The following TLN2 variants were observed in gnomAD, a reference collection of about 807,000 sequenced individuals.
TLN2 encodes the protein talin-2.
TLN2 carries 118 observed loss-of-function variants against 294.7 expected under a neutral mutation model. The ratio of observed to expected loss-of-function variants is 0.40; its 90% CI spans 0.34 to 0.47. TLN2 has a LOEUF of 0.47. Ranked by LOEUF, TLN2 falls within the 20% of genes least tolerant of loss-of-function variation. TLN2 has a pLI of 0.84. For missense variants in TLN2, 3,083 were observed against 3,282.2 expected, an observed-to-expected ratio of 0.94 and a Z score of 1.48; for synonymous variants, 1,431 against 1,304.5, an observed-to-expected ratio of 1.10 and a Z score of -2.09.
At chr15:62,649,990 A>G in intron 4 of TLN2, 94 bp from the exon 5 acceptor site, 1 of 1,227,426 alleles carries the variant, frequency 8.1e-7, no homozygotes, top group Non-Finnish European at 1.2e-6. Flanking sequence ...GAGAACACCC[A>G]CATCCTTGCT....
chr15:62,541,967 A>G (rs373891078), intron 1 of TLN2, among the ~76,000 whole-genome samples: 1 of 151,512 alleles, frequency 6.6e-6, no homozygotes, highest in East Asian at 1.9e-4. Context: ...AATATACTAG[A>G]TAAAAAGACT....
chr15:62,468,222 C>T (rs1318557855), intron 1 of TLN2, among the ~76,000 whole-genome samples: 1 of 151,958 alleles, frequency 6.6e-6, no homozygotes, highest in Non-Finnish European at 1.5e-5. Flanking sequence ...AGCATTGCCA[C>T]CTAAGAGTTG....
At chr15:62,431,045 T>G (rs2439712) in intron 1 of TLN2, among the ~76,000 whole-genome samples, 7 of 152,024 alleles carry the variant, frequency 4.6e-5, no homozygotes, top group African/African-American at 1.7e-4. Context: ...TCTGGATTCT[T>G]GTTAGAAATA....
intron 1 of TLN2, among the ~76,000 whole-genome samples, chr15:62,521,234 T>C (rs2040441496): frequency 6.6e-6 from 1 of 152,194 alleles, no homozygotes; most frequent in African/African-American, 2.4e-5. Context: ...GGCTGAATTT[T>C]TGACATCTGT....
At chr15:62,672,879 C>A (rs978245199) in intron 9 of TLN2, among the ~76,000 whole-genome samples, 1 of 152,120 alleles carries the variant, frequency 6.6e-6, no homozygotes, top group African/African-American at 2.4e-5. Flanking sequence ...AAAAATGAAT[C>A]AGGTACTCAG....
At chr15:62,490,090 C>G (rs1300800302) in intron 1 of TLN2, among the ~76,000 whole-genome samples, 5 of 152,214 alleles carry the variant, frequency 3.3e-5, no homozygotes, top group African/African-American at 9.6e-5. Context: ...CTTAGATCTT[C>G]AGCAGTGATT....
intron 51 of TLN2, among the ~76,000 whole-genome samples, chr15:62,808,312 T>G (rs1386896789): frequency 6.6e-6 from 1 of 152,108 alleles, no homozygotes; most frequent in African/African-American, 2.4e-5. Flanking sequence ...GCTATATTGC[T>G]GACTTTTTAA....
chr15:62,827,290 G>C (rs1043309156), intron 54 of TLN2, among the ~76,000 whole-genome samples: 8 of 152,232 alleles, frequency 5.3e-5, no homozygotes, highest in African/African-American at 1.9e-4. Flanking sequence ...AGGACGTTGA[G>C]GAGGAGCGGG....
Position 62,755,637 on chromosome 15 carries a change from G to A in TLN2, c.4582G>A (p.Val1528Ile), listed in dbSNP as rs751299336. Reference sequence around the variant, plus strand: ...CAACCCAGTAGCCAAGAGGCACTTCGTCCAGTCAGCCAAGGAAGTCGCCAA... The same window carrying A: ...CAACCCAGTAGCCAAGAGGCACTTCATCCAGTCAGCCAAGGAAGTCGCCAA... ...TANPVAKRHF[V>I]QSAKEVANST... is the part of the protein sequence containing the mutation. Residue 1528 changes from valine to isoleucine, a missense_variant, in exon 37 of 59, where the codon GTC (valine) becomes ATC (isoleucine). Physicochemically the swap from Val to Ile is conservative, Grantham distance 29. Transcript: ENST00000636159. The A allele has an allele frequency of 1.9e-6, 3 of 1,614,218 alleles. No individual in the cohort carries two copies. The highest frequency in any genetic ancestry group is 2.5e-6 in the Non-Finnish European group (3 of 1,180,036).
At chr15:62,454,567 G>A (rs2036351899) in intron 1 of TLN2, among the ~76,000 whole-genome samples, 1 of 152,154 alleles carries the variant, frequency 6.6e-6, no homozygotes, top group South Asian at 2.1e-4. Flanking sequence ...TCTGGCAGAT[G>A]CCTTAGAGCA....
At chr15:62,401,982 G>A (rs111470892) in intron 1 of TLN2, among the ~76,000 whole-genome samples, 2 of 152,230 alleles carry the variant, frequency 1.3e-5, no homozygotes, top group Non-Finnish European at 2.9e-5. Flanking sequence ...CAATGCACAG[G>A]ACAGCCCCAC....
In TLN2 at chr15:62,697,865, A is replaced by G; in HGVS notation, c.1470A>G (p.Pro490=). 1 of 1,611,724 alleles carries G rather than the reference A, an allele frequency of 6.2e-7. No individual in the cohort carries two copies. Among genetic ancestry groups the G allele is most frequent in the Non-Finnish European group, 8.5e-7 (1 of 1,179,600 alleles). ...VGQMHRGHMP[P]LTSAQQALMG... ...AGATGCACCGAGGCCACATGCCGCC[A>G]CTGGTGAGGCTTCCTGTGCTCGTCC... The change falls in exon 15 of 59, where the codon CCA becomes CCG. Residue 490 remains proline, a synonymous_variant. Coordinates refer to ENST00000636159, the MANE Select transcript of TLN2 (RefSeq NM_015059.3).
At chr15:62,643,943 TGTC>T (rs2051488612) in intron 3 of TLN2, among the ~76,000 whole-genome samples, 1 of 152,154 alleles carries the variant, frequency 6.6e-6, no homozygotes, top group African/African-American at 2.4e-5. Context: ...GTGGAAACCA[TGTC>T]TATGTAGATA....
At chr15:62,559,889 C>T (rs1160983180) in intron 1 of TLN2, among the ~76,000 whole-genome samples, 2 of 152,198 alleles carry the variant, frequency 1.3e-5, no homozygotes, top group Non-Finnish European at 2.9e-5. Context: ...TTCCAGTAAC[C>T]TTCTGTGGCT....
At chr15:62,782,104 C>T (rs371127450) in intron 44 of TLN2, among the ~76,000 whole-genome samples, 24 of 152,348 alleles carry the variant, frequency 1.6e-4, no homozygotes, top group African/African-American at 5.0e-4. Flanking sequence ...GGGCCTTCCT[C>T]GCTGAAGTGA....
chr15:62,507,711 G>A (rs365642), intron 1 of TLN2, among the ~76,000 whole-genome samples: 122,697 of 152,216 alleles, frequency 0.81, 49,504 homozygotes, highest in East Asian at 0.86. Flanking sequence ...TTGAAGCATA[G>A]TAAAATGTGG....
At chr15:62,767,759 T>C (rs1012285934) in intron 41 of TLN2, among the ~76,000 whole-genome samples, 55 of 152,350 alleles carry the variant, frequency 3.6e-4, no homozygotes, top group African/African-American at 1.2e-3. Context: ...ACTGCCTATG[T>C]GCCCATAAGG....
intron 3 of TLN2, among the ~76,000 whole-genome samples, chr15:62,621,029 C>T (rs1377470164): frequency 7.9e-5 from 12 of 151,084 alleles, no homozygotes; most frequent in South Asian, 4.2e-4. Context: ...TTAGTAGAGA[C>T]GGGGTTTCAC....
chr15:62,740,225 C>T (rs924239833), intron 31 of TLN2, among the ~76,000 whole-genome samples: 4 of 152,032 alleles, frequency 2.6e-5, no homozygotes, highest in East Asian at 1.9e-4. Context: ...CAGTGCTGGT[C>T]GTTTGTGCCA....
Sources: allele counts gnomAD v4.1 joint callset (sites outside exome capture counted in the v4.1 genomes callset), GRCh38; gene constraint gnomAD v4.1.1; transcripts MANE v1.5; gene names NCBI Gene and HGNC (gene_info 2026-07-23, HGNC 2026-07-21).